Variants in FBXW11 observed in about 807,000 individuals in gnomAD.
FBXW11 encodes the protein F-box and WD repeat domain containing 11.
In FBXW11, 19 loss-of-function variants were observed where a neutral mutation model predicts 77.6. The observed-to-expected ratio is 0.24, with a 90% confidence interval of 0.17 to 0.36. The LOEUF (loss-of-function observed/expected upper bound fraction) is 0.36. Among genes scored for constraint, FBXW11 ranks in the 10% least tolerant of loss-of-function variants. The pLI is 1.00. For missense variants in FBXW11, 334 were observed against 704.2 expected (o/e 0.47, Z 5.95); for synonymous variants, 235 against 249.4 (o/e 0.94, Z 0.54).
intron 1 of FBXW11, among the ~76,000 whole-genome samples, chr5:171,960,237 T>C (rs1248656314): frequency 6.6e-6 from 1 of 152,142 alleles, no homozygotes; most frequent in African/African-American, 2.4e-5. Flanking sequence ...TAGCCAAGCA[T>C]GGTGGTATGC....
intron 2 of FBXW11, among the ~76,000 whole-genome samples, 168 bp downstream of exon 2, chr5:171,957,429 C>G (rs1373749967): frequency 6.6e-6 from 1 of 152,170 alleles, no homozygotes; most frequent in Non-Finnish European, 1.5e-5. Flanking sequence ...CAAAAGGGCC[C>G]CTCTTGGTAC....
At chr5:171,882,160 G>C (rs565591449) in intron 7 of FBXW11, among the ~76,000 whole-genome samples, 1 of 152,164 alleles carries the variant, frequency 6.6e-6, no homozygotes, top group Admixed American at 6.5e-5. Context: ...AAGCTTAGAT[G>C]ACTGATTTTT....
intron 1 of FBXW11, among the ~76,000 whole-genome samples, chr5:171,972,369 C>T (rs1233987485): frequency 1.3e-5 from 2 of 150,754 alleles, no homozygotes; most frequent in Non-Finnish European, 1.5e-5. Flanking sequence ...GGTGTGGTGG[C>T]GCACACCTCT....
rs766311423 is a variant in FBXW11 at position 171,876,549 on chromosome 5, A to G, written c.972-15T>C. 6 of 1,609,850 alleles carry G rather than the reference A, an allele frequency of 3.7e-6. No homozygotes were observed. Among genetic ancestry groups the G allele is most frequent in the Non-Finnish European group, 5.1e-6 (6 of 1,176,344 alleles). ...CATCCCACACTCTAGGAGAGAAGAGAAAAGCATGATGCTTAATTATGGAGA... is the reference window on the plus strand; with the variant it reads ...CATCCCACACTCTAGGAGAGAAGAGGAAAGCATGATGCTTAATTATGGAGA... On this transcript the variant is annotated splice_polypyrimidine_tract_variant and intron_variant, in intron 8 of 13. Coordinates refer to ENST00000517395, the MANE Select transcript of FBXW11 (RefSeq NM_001378974.1). This position sits in a 1 kb window ranked among gnomAD's most constrained non-coding sequence, Gnocchi z 4.2.
chr5:171,973,844 T>C (rs1200348909), intron 1 of FBXW11, among the ~76,000 whole-genome samples: 3 of 152,202 alleles, frequency 2.0e-5, no homozygotes, highest in African/African-American at 7.2e-5. Flanking sequence ...GTTCTAAAAA[T>C]AGACTATTAA....
intron 13 of FBXW11, among the ~76,000 whole-genome samples, chr5:171,865,857 T>G (rs75130958): frequency 1.2e-3 from 179 of 152,322 alleles, no homozygotes; most frequent in African/African-American, 4.2e-3. Context: ...CACCTGATAT[T>G]TTACGGGTGA....
At chr5:171,994,039 G>A (rs1482641913) in intron 1 of FBXW11, among the ~76,000 whole-genome samples, 1 of 152,156 alleles carries the variant, frequency 6.6e-6, no homozygotes, top group Non-Finnish European at 1.5e-5. Context: ...GCCCGAGATG[G>A]CTAATGCAGA....
chr5:171,987,997 G>A (rs1765536478), intron 1 of FBXW11, among the ~76,000 whole-genome samples: 1 of 152,146 alleles, frequency 6.6e-6, no homozygotes, highest in Non-Finnish European at 1.5e-5. Flanking sequence ...GCCTATTTAA[G>A]TAACAATGTG....
intron 7 of FBXW11, among the ~76,000 whole-genome samples, chr5:171,878,623 T>TGTGA: frequency 6.6e-6 from 1 of 150,546 alleles, no homozygotes; most frequent in Non-Finnish European, 1.5e-5. Flanking sequence ...TGTGTGTGTG[T>TGTGA]GTGTGTGTGT....
intron 1 of FBXW11, among the ~76,000 whole-genome samples, chr5:171,973,127 T>A (rs1764626148): frequency 6.6e-6 from 1 of 152,196 alleles, no homozygotes; most frequent in Admixed American, 6.5e-5. Context: ...TCATTCTGTT[T>A]TTTAATTGAG....
intron 2 of FBXW11, among the ~76,000 whole-genome samples, chr5:171,923,629 T>C (rs1366668142): frequency 1.3e-5 from 2 of 152,232 alleles, no homozygotes. Context: ...CAATCCATTA[T>C]AGTTTAAAAT....
chr5:171,984,927 C>T, intron 1 of FBXW11, among the ~76,000 whole-genome samples: 1 of 152,150 alleles, frequency 6.6e-6, no homozygotes, highest in East Asian at 1.9e-4. Context: ...TACTGCCTTC[C>T]AAAATTAACC....
chr5:171,959,597 TA>T (rs2113335151), intron 1 of FBXW11, among the ~76,000 whole-genome samples: 1 of 151,984 alleles, frequency 6.6e-6, no homozygotes, highest in East Asian at 1.9e-4. Flanking sequence ...CCTATAATCC[TA>T]GCACTTTGGG....
At chr5:171,915,638 T>TGTGTGTGTGG (rs1761178216) in intron 2 of FBXW11, among the ~76,000 whole-genome samples, 1 of 151,774 alleles carries the variant, frequency 6.6e-6, no homozygotes, top group Non-Finnish European at 1.5e-5. Flanking sequence ...TGTGTGTGTG[T>TGTGTGTGTGG]GTGTGTGTGT....
chr5:171,973,108 G>T (rs1301448316), intron 1 of FBXW11, among the ~76,000 whole-genome samples: 1 of 152,092 alleles, frequency 6.6e-6, no homozygotes, highest in African/African-American at 2.4e-5. Context: ...GTTTGTTTTG[G>T]GTTTTATTTC....
intron 10 of FBXW11, among the ~76,000 whole-genome samples, chr5:171,872,277 T>C (rs1008102772): frequency 1.3e-5 from 2 of 152,226 alleles, no homozygotes; most frequent in South Asian, 4.1e-4. Flanking sequence ...ATTAGTCAAT[T>C]TGATTATAAA....
intron 2 of FBXW11, among the ~76,000 whole-genome samples, chr5:171,917,162 G>GC (rs1173974242): frequency 2.0e-5 from 3 of 152,014 alleles, no homozygotes; most frequent in Non-Finnish European, 2.9e-5. Context: ...CTCGTGATCT[G>GC]CCCGCCTCAG....
chr5:171,895,277 C>G (rs1331011441), intron 6 of FBXW11, among the ~76,000 whole-genome samples: 1 of 152,200 alleles, frequency 6.6e-6, no homozygotes, highest in East Asian at 1.9e-4. Flanking sequence ...CCATGATACA[C>G]AGAGTATACA....
intron 4 of FBXW11, among the ~76,000 whole-genome samples, chr5:171,909,101 T>G (rs9313563): frequency 0.79 from 120,610 of 152,040 alleles, 51,418 homozygotes; most frequent in East Asian, 0.97. Context: ...AAATTTAAAT[T>G]GAGAATTTTT....
Sources: allele counts gnomAD v4.1 joint callset (sites outside exome capture counted in the v4.1 genomes callset), GRCh38; gene constraint gnomAD v4.1.1; non-coding constraint Gnocchi (gnomAD v3.1); transcripts MANE v1.5; gene names NCBI Gene and HGNC (gene_info 2026-07-23, HGNC 2026-07-21).